The following XPR1 variants were observed in gnomAD, a reference collection of about 807,000 sequenced individuals.
XPR1 encodes the protein solute carrier family 53 member 1.
A neutral mutation model predicts 87.5 loss-of-function variants in XPR1; 28 were observed. The observed-to-expected ratio is 0.32, with a 90% CI of 0.24 to 0.44. The LOEUF (loss-of-function observed/expected upper bound fraction) is 0.44, where lower values mean the gene tolerates loss of function less well. Among genes scored for constraint, XPR1 ranks in the 20% least tolerant of loss-of-function variants. XPR1 has a pLI of 1.00. For missense variants in XPR1, 559 were observed against 862.3 expected (o/e 0.65, Z 4.41); for synonymous variants, 300 against 306.1 (o/e 0.98, Z 0.21).
At position 180,803,520 on chromosome 1, in the gene XPR1, A is replaced by G. The variant is rs1649871910; in HGVS notation, c.356A>G (p.His119Arg). 1.9e-6 allele frequency: 3 copies of G among 1,613,920 alleles called. No individual in the cohort carries two copies. The highest frequency in any genetic ancestry group is 2.5e-6 in the Non-Finnish European group (3 of 1,179,992). ...AGAAAGCCAGTCTTCCACTTGTCCCATGAGGAACGTGTCCAACATAGAAAT... is the reference window on the plus strand; with the variant it reads ...AGAAAGCCAGTCTTCCACTTGTCCCGTGAGGAACGTGTCCAACATAGAAAT... ...QRRKPVFHLS[H>R]EERVQHRNIK... The change falls in exon 4 of 15, where the codon CAT becomes CGT. Residue 119 changes from histidine (H) to arginine (R), a missense_variant. By Grantham distance (29) the His-to-Arg change is conservative. This residue lies in a region of XPR1 where 159 missense variants were observed against 263.3 expected (regional missense o/e 0.60). Transcript: ENST00000367590.
At chr1:180,824,431 A>G (rs1239369304) in intron 7 of XPR1, among the ~76,000 whole-genome samples, 1 of 152,096 alleles carries the variant, frequency 6.6e-6, no homozygotes, top group Non-Finnish European at 1.5e-5. Flanking sequence ...AAATACAACA[A>G]TTAGCTGGGC....
At chr1:180,873,437 A>G (rs139814307) in intron 12 of XPR1, among the ~76,000 whole-genome samples, 4 of 152,384 alleles carry the variant, frequency 2.6e-5, no homozygotes, top group African/African-American at 7.2e-5. Flanking sequence ...GATATTAGCT[A>G]TTAAGTCTAC....
chr1:180,702,907 C>G (rs906124412), intron 2 of XPR1, among the ~76,000 whole-genome samples: 1 of 152,106 alleles, frequency 6.6e-6, no homozygotes, highest in Admixed American at 6.5e-5. Flanking sequence ...TTAACAGTCA[C>G]TTCTTCCAAT....
chr1:180,667,306 T>A (rs951561878), intron 1 of XPR1, among the ~76,000 whole-genome samples: 3 of 152,220 alleles, frequency 2.0e-5, no homozygotes, highest in African/African-American at 4.8e-5. Context: ...AATTTTTTTT[T>A]AATCATGATT....
intron 2 of XPR1, among the ~76,000 whole-genome samples, chr1:180,782,062 A>G (rs1648964872): frequency 6.6e-6 from 1 of 151,912 alleles, no homozygotes; most frequent in South Asian, 2.1e-4. Context: ...TTTTAGTATA[A>G]CTCACTGATT....
chr1:180,855,612 C>T (rs923135867), intron 11 of XPR1, among the ~76,000 whole-genome samples: 4 of 148,854 alleles, frequency 2.7e-5, no homozygotes, highest in Non-Finnish European at 4.4e-5. Flanking sequence ...TGCAATGAGC[C>T]GAGATCATGC....
intron 1 of XPR1, among the ~76,000 whole-genome samples, chr1:180,681,068 C>A (rs1297968329): frequency 6.6e-6 from 1 of 152,008 alleles, no homozygotes; most frequent in East Asian, 1.9e-4. Flanking sequence ...GGGAAGAGGG[C>A]AGGTCAGAGG....
chr1:180,718,137 G>A (rs1208977465), intron 2 of XPR1, among the ~76,000 whole-genome samples: 2 of 152,284 alleles, frequency 1.3e-5, no homozygotes, highest in Non-Finnish European at 2.9e-5. Context: ...ACTGTGCAGA[G>A]CATTAATCAG....
chr1:180,768,054 C>T (rs1250463777), intron 2 of XPR1, among the ~76,000 whole-genome samples: 3 of 152,190 alleles, frequency 2.0e-5, no homozygotes, highest in East Asian at 3.9e-4. Flanking sequence ...CTGTGTTAGC[C>T]AGGATGGTCT....
chr1:180,762,883 CT>C (rs904331047), intron 2 of XPR1, among the ~76,000 whole-genome samples: 1 of 136,250 alleles, frequency 7.3e-6, no homozygotes, highest in Non-Finnish European at 1.7e-5. Flanking sequence ...AAGCTTGCAT[CT>C]TTACACTTTT....
chr1:180,842,674 C>G (rs372114374), intron 11 of XPR1, among the ~76,000 whole-genome samples: 1 of 152,056 alleles, frequency 6.6e-6, no homozygotes, highest in South Asian at 2.1e-4. Context: ...CTTGAGGTTT[C>G]TTGGCTTTGG....
At chr1:180,639,298 A>G (rs1483354591) in intron 1 of XPR1, among the ~76,000 whole-genome samples, 1 of 151,826 alleles carries the variant, frequency 6.6e-6, no homozygotes, top group African/African-American at 2.4e-5. Context: ...AAAAAAAAAA[A>G]CACCCTTTAA....
chr1:180,815,712 T>G (rs1019005440), intron 7 of XPR1, among the ~76,000 whole-genome samples: 4 of 152,200 alleles, frequency 2.6e-5, no homozygotes, highest in African/African-American at 9.7e-5. Flanking sequence ...ATATATAACT[T>G]AATTTGGTAC....
chr1:180,704,245 G>GATATATATATCTATATATATATATATAT (rs1553238718), intron 2 of XPR1, among the ~76,000 whole-genome samples: 1 of 66,054 alleles, frequency 1.5e-5, no homozygotes, highest in Non-Finnish European at 3.0e-5. Context: ...ATAGGTGCTG[G>GATATATATATCTATATATATATATATAT]ATATATATAT....
At chr1:180,811,802 G>A (rs958706667) in intron 7 of XPR1, among the ~76,000 whole-genome samples, 1 of 151,954 alleles carries the variant, frequency 6.6e-6, no homozygotes, top group Non-Finnish European at 1.5e-5. Context: ...TGGCTTTCTT[G>A]ATCATAGATG....
intron 2 of XPR1, among the ~76,000 whole-genome samples, chr1:180,685,577 G>C (rs1213930383): frequency 2.0e-5 from 3 of 152,056 alleles, no homozygotes; most frequent in Admixed American, 6.6e-5. Context: ...GCTCCTCTTT[G>C]TACCTCTGGT....
chr1:180,873,727 G>A, intron 12 of XPR1, 76 bp from the exon 13 acceptor site: 1 of 1,510,488 alleles, frequency 6.6e-7, no homozygotes. Flanking sequence ...CTTGTTTGTA[G>A]GACATATGCT....
chr1:180,840,554 GTGTGTGTGTGTGTATATATATATATA>G (rs1651469073), intron 11 of XPR1, among the ~76,000 whole-genome samples: 1 of 134,152 alleles, frequency 7.5e-6, no homozygotes. Context: ...GTGTGTGTGT[GTGTGTGTGTGTGTATATATATATATA>G]TATATATATA....
intron 9 of XPR1, among the ~76,000 whole-genome samples, chr1:180,827,376 A>C (rs1381887662): frequency 1.3e-5 from 2 of 152,116 alleles, no homozygotes; most frequent in African/African-American, 2.4e-5. Flanking sequence ...AGGATAATAT[A>C]GTTGTGTACA....
Sources: gnomAD v4.1 joint callset for allele counts (sites outside exome capture counted in the v4.1 genomes callset) on GRCh38, gnomAD v4.1.1 for gene constraint, gnomAD v4.1.1 regional missense constraint, MANE v1.5 for transcripts, NCBI Gene and HGNC (gene_info 2026-07-23, HGNC 2026-07-21) for gene names.